MROH7: variants seen among roughly 807,000 people sequenced by gnomAD.
MROH7 encodes maestro heat like repeat family member 7.
A neutral mutation model predicts 129.2 loss-of-function variants in MROH7; 113 were observed. That is an observed-to-expected ratio of 0.87 (90% CI 0.75 to 1.02). The LOEUF is 1.02. Ranked by LOEUF, MROH7 falls within the 50% of genes least tolerant of loss-of-function variation. The probability of loss-of-function intolerance (pLI) is 0.00; values close to 1 mark genes in which losing one functional copy is unlikely to be tolerated. For missense variants in MROH7, 1,601 were observed against 1,671.3 expected (o/e 0.96, Z 0.73); for synonymous variants, 655 against 667.9 (o/e 0.98, Z 0.30).
chr1:54,673,015 C>A (rs1644925064), intron 7 of MROH7, 76 bp from the exon 8 acceptor site: 2 of 1,064,468 alleles, frequency 1.9e-6, no homozygotes, highest in African/African-American at 1.6e-5. Flanking sequence ...CCTCCCCTGA[C>A]CTACACCAGG....
intron 10 of MROH7, 24 bp downstream of exon 10, chr1:54,674,175 G>T: frequency 6.2e-7 from 1 of 1,603,972 alleles, no homozygotes. Flanking sequence ...GAGTACTTCT[G>T]AAGGAAGTCT....
intron 17 of MROH7, 81 bp from the exon 18 acceptor site, chr1:54,700,240 T>C (rs765005612): frequency 1.3e-6 from 2 of 1,567,182 alleles, no homozygotes; most frequent in South Asian, 1.1e-5. Context: ...TGGTATCCAA[T>C]GTGCAATCCC....
At chr1:54,645,374 G>C (rs1414800413) in intron 1 of MROH7, among the ~76,000 whole-genome samples, 2 of 151,990 alleles carry the variant, frequency 1.3e-5, no homozygotes, top group Non-Finnish European at 2.9e-5. Context: ...CCACCTCCCA[G>C]GTTCAAGTGA....
chr1:54,677,034 T>A (rs912293502), intron 10 of MROH7, among the ~76,000 whole-genome samples: 4 of 151,984 alleles, frequency 2.6e-5, no homozygotes, highest in Non-Finnish European at 5.9e-5. Context: ...ACAGACAGAG[T>A]TTCTCCATGT....
intron 7 of MROH7, among the ~76,000 whole-genome samples, chr1:54,672,394 G>A (rs1644916038): frequency 6.6e-6 from 1 of 151,890 alleles, no homozygotes; most frequent in Admixed American, 6.6e-5. Flanking sequence ...GACGAGGGGA[G>A]GCAAAAAAGA....
chr1:54,699,896 C>T lies in MROH7; in HGVS notation c.2965-425C>T, dbSNP rs41297857. ...GCTCTGAGTTTTGGATGGAGCCCTG[C>T]GAGGTGGCAGGGGTCAGAGTGGAGG... is the stretch of plus-strand genomic sequence containing the variant. On this transcript the variant is annotated intron_variant, in intron 17 of 23. Coordinates refer to ENST00000421030, the MANE Select transcript of MROH7 (RefSeq NM_001039464.4). 2.5e-3 allele frequency: 1,388 copies of T among 562,234 alleles called. 9 individuals carry two copies. The highest frequency in any genetic ancestry group is 3.6e-3 in the Non-Finnish European group (1,153 of 319,244). 34.8% of individuals were successfully genotyped at this position (562,234 alleles called of 1,614,324 possible). A position where few individuals can be genotyped will look rare whatever the true frequency, so the allele number is the denominator to read the frequency against.
chr1:54,682,764 G>C lies in MROH7; in HGVS notation c.2490G>C (p.Lys830Asn), dbSNP rs1179644926. Residue 830 changes from lysine to asparagine, a missense_variant, in exon 14 of 24, where the codon AAG (lysine) becomes AAC (asparagine). By Grantham distance (94) the Lys-to-Asn change is moderately conservative. Coordinates refer to ENST00000421030, the MANE Select transcript of MROH7 (RefSeq NM_001039464.4). ...GCCTGAAGGAGAAGCCCGTCACCAA[G>C]GAGGGCCGGGCTTCCATCGTGCCCC... is the stretch of plus-strand genomic sequence containing the variant. The part of the protein sequence containing the change: ...LGSLKEKPVT[K>N]EGRASIVPLA... 1 of 1,613,650 alleles carries C rather than the reference G, an allele frequency of 6.2e-7. No homozygotes were observed. The highest frequency in any genetic ancestry group is 8.5e-7 in the Non-Finnish European group (1 of 1,179,978).
At position 54,673,013 on chromosome 1, in the gene MROH7, G is replaced by A. The variant is rs191693812; in HGVS notation, c.1600-78G>A. ...GGGTCTTAATTCCCCCTCCTCCCCT[G>A]ACCTACACCAGGGGCCGCCTGGGGC... On this transcript the variant is annotated intron_variant, in intron 7 of 23. Transcript: ENST00000421030. 58 of 1,022,290 alleles carry A rather than the reference G, an allele frequency of 5.7e-5. No individual in the cohort carries two copies. The African/African-American group carries it at 5.8e-4, about 10-fold the overall frequency. The allele number at this position is 1,022,290 out of a possible 1,614,324, so 63.3% of individuals were successfully genotyped here.
chr1:54,643,698 C>G (rs923140950), intron 1 of MROH7, among the ~76,000 whole-genome samples: 3 of 152,114 alleles, frequency 2.0e-5, no homozygotes, highest in Non-Finnish European at 4.4e-5. Context: ...ACACCCACAC[C>G]CCAACATTTG....
intron 1 of MROH7, among the ~76,000 whole-genome samples, chr1:54,646,657 A>G (rs766737449): frequency 6.6e-6 from 1 of 152,224 alleles, no homozygotes; most frequent in Admixed American, 6.5e-5. Flanking sequence ...AAAATGTGGT[A>G]TAAGGCACCC....
intron 15 of MROH7, among the ~76,000 whole-genome samples, chr1:54,686,929 A>G (rs1248592077): frequency 6.6e-6 from 1 of 152,174 alleles, no homozygotes; most frequent in Non-Finnish European, 1.5e-5. Flanking sequence ...GCAGGGATAA[A>G]CACATTTACT....
chr1:54,660,079 T>G (rs1241687258), intron 3 of MROH7, among the ~76,000 whole-genome samples: 3 of 152,150 alleles, frequency 2.0e-5, no homozygotes, highest in Admixed American at 6.6e-5. Context: ...TTTTTCAAAG[T>G]GGTAATCTTA....
chr1:54,653,650 C>T lies in MROH7; in HGVS notation c.724C>T (p.Pro242Ser), dbSNP rs759039314. The T allele has an allele frequency of 1.2e-5, 19 of 1,614,160 alleles. No homozygotes were observed. Among genetic ancestry groups the T allele is most frequent in the Non-Finnish European group, 1.5e-5 (18 of 1,180,046 alleles). ...TCCAGATTCTCATGGGACCCTAATC[C>T]CAGACACAAATGAGACCATCACTTT... ...VAPDSHGTLIPDTNETITLAS... is the reference protein window; with the variant it reads ...VAPDSHGTLISDTNETITLAS... Residue 242 changes from proline (P) to serine (S), a missense_variant, in exon 3 of 24, where the codon CCA (proline) becomes TCA (serine). Pro to Ser is a moderately conservative substitution (Grantham distance 74, BLOSUM62 -1). Coordinates refer to ENST00000421030, the MANE Select transcript of MROH7 (RefSeq NM_001039464.4).
chr1:54,677,780 G>A (rs924855627), intron 10 of MROH7, among the ~76,000 whole-genome samples: 4 of 152,200 alleles, frequency 2.6e-5, no homozygotes, highest in African/African-American at 7.2e-5. Flanking sequence ...CTGAAAATAT[G>A]AAGCCACTAT....
chr1:54,687,964 A>C (rs2101156427), intron 15 of MROH7, among the ~76,000 whole-genome samples: 1 of 146,696 alleles, frequency 6.8e-6, no homozygotes. Flanking sequence ...CACCTCCCAG[A>C]CTCAAGCAAT....
Position 54,703,366 on chromosome 1 carries a change from G to C in MROH7, c.3564+621G>C, listed in dbSNP as rs145314633. Among the ~76,000 whole-genome samples the C allele has an allele frequency of 2.0e-5, 3 of 152,282 alleles. No individual in the cohort carries two copies. The highest frequency in any genetic ancestry group is 7.2e-5 in the African/African-American group (3 of 41,562). On this transcript the variant is annotated intron_variant, in intron 21 of 23. Coordinates refer to ENST00000421030, the MANE Select transcript of MROH7 (RefSeq NM_001039464.4). The surrounding 1 kb of genome is among the most constrained non-coding windows in gnomAD (Gnocchi z 4.4). ...TTCTACAACATCAATTCCCAGAGTTGTATTACCTGCAACACCAGTCTCACA... is the reference window on the plus strand; with the variant it reads ...TTCTACAACATCAATTCCCAGAGTTCTATTACCTGCAACACCAGTCTCACA...
chr1:54,698,885 C>T (rs1377383520), intron 17 of MROH7: 1 of 152,086 alleles, frequency 6.6e-6, no homozygotes, highest in Non-Finnish European at 1.5e-5. Context: ...CCTCCCCCTC[C>T]CAGGTTCAAG....
chr1:54,670,565 G>T lies in MROH7; in HGVS notation c.1458G>T (p.Leu486=). ...TCCGCAAGCAGGCCATGGAGATCCT[G>T]ACCCAGCTGAGGTGTCCATGGCCCT... ...SSVRKQAMEI[L]TQLSHTQPTL... The change falls in exon 6 of 24, where the codon CTG becomes CTT. Residue 486 remains leucine, a synonymous_variant. Transcript: ENST00000421030. 6.2e-7 allele frequency: 1 copy of T among 1,613,120 alleles called. No individual in the cohort carries two copies. Among genetic ancestry groups the T allele is most frequent in the Non-Finnish European group, 8.5e-7 (1 of 1,179,590 alleles).
At position 54,665,219 on chromosome 1, in the gene MROH7, A is replaced by G; in HGVS notation, c.1284A>G (p.Glu428=). ...TGGTGAAGGTGCCAGAGAAGACAGAAGGTGGCAACAACATGGCTCTGGTAT... is the reference window on the plus strand; with the variant it reads ...TGGTGAAGGTGCCAGAGAAGACAGAGGGTGGCAACAACATGGCTCTGGTAT... ...SCLVKVPEKT[E]GGNNMALVEN... Residue 428 remains glutamate, a synonymous_variant, in exon 4 of 24, where the codon GAA becomes GAG. Transcript: ENST00000421030. 2.5e-6 allele frequency: 4 copies of G among 1,613,878 alleles called. No individual in the cohort carries two copies. The highest frequency in any genetic ancestry group is 3.4e-6 in the Non-Finnish European group (4 of 1,179,880).
Sources: allele counts gnomAD v4.1 joint callset (sites outside exome capture counted in the v4.1 genomes callset), GRCh38; gene constraint gnomAD v4.1.1; non-coding constraint Gnocchi (gnomAD v3.1); transcripts MANE v1.5; gene names NCBI Gene and HGNC (gene_info 2026-07-23, HGNC 2026-07-21).